The following RSRP1 variants were observed in gnomAD, a reference collection of about 807,000 sequenced individuals.
RSRP1 encodes the protein arginine and serine rich protein 1.
In RSRP1, 37 loss-of-function variants were observed where a neutral mutation model predicts 33.0. The ratio of observed to expected loss-of-function variants is 1.12; its 90% confidence interval spans 0.86 to 1.48. The LOEUF (loss-of-function observed/expected upper bound fraction) is 1.48. Among genes scored for constraint, RSRP1 ranks in the 40% most tolerant of loss-of-function variants. The pLI is 0.00. For synonymous variants in RSRP1, 167 were observed against 158.7 expected, an observed-to-expected ratio of 1.05 and a Z score of -0.40; for missense variants, 402 against 385.3, an observed-to-expected ratio of 1.04 and a Z score of -0.36.
intron 1 of RSRP1, among the ~76,000 whole-genome samples, chr1:25,295,849 AATT>A (rs1571645727): frequency 3.0e-5 from 1 of 33,728 alleles, no homozygotes; most frequent in Non-Finnish European, 1.1e-4. Flanking sequence ...GAATATGGGA[AATT>A]TTTTTTTTTT....
chr1:25,246,449 T>C lies in RSRP1; in HGVS notation c.515A>G (p.Glu172Gly), dbSNP rs1456566309. Residue 172 changes from glutamate (E) to glycine (G), a missense_variant, in exon 2 of 5, where the codon GAA (glutamate) becomes GGA (glycine). Glu to Gly is a moderately conservative substitution (Grantham distance 98). Coordinates refer to ENST00000243189, the MANE Select transcript of RSRP1 (RefSeq NM_020317.5). ...AAGGTAAATGACCCACCCACCTTTT[T>C]CACTTAAGCGAAAGGGGGTTCTGCT... is the stretch of plus-strand genomic sequence containing the variant. ...SRSRTPFRLS[E>G]KDRMELLEIA... The C allele has an allele frequency of 1.9e-6, 3 of 1,612,342 alleles. No homozygotes were observed. The highest frequency in any genetic ancestry group is 2.7e-5 in the African/African-American group (2 of 74,910).
rs1457565642 is a variant in RSRP1 at position 25,296,333 on chromosome 1, G to A, written c.-67+41645C>T. Among the ~76,000 whole-genome samples, 5 of 120,186 alleles carry A rather than the reference G, an allele frequency of 4.2e-5. No individual in the cohort carries two copies. The East Asian group carries it at 8.2e-4, about 20-fold the overall frequency. The allele number at this position is 120,186 out of a possible 152,430, so 78.8% of individuals were successfully genotyped here. ...GTGATCTCGGCTCACTGCAACCTCC[G>A]CCTCCTGGATTCAAGCAATTCTTGT... is the stretch of plus-strand genomic sequence containing the variant. On this transcript the variant is annotated intron_variant, in intron 1 of 1. Transcript: ENST00000561867.
intron 1 of RSRP1, among the ~76,000 whole-genome samples, chr1:25,312,957 T>TAAAAAAAAAAAAAAAAAAAAAAA (rs1491188755): frequency 4.1e-5 from 1 of 24,412 alleles, no homozygotes; most frequent in East Asian, 1.4e-3. Flanking sequence ...AAAAAAAAAC[T>TAAAAAAAAAAAAAAAAAAAAAAA]TTAGTGCTAT....
Position 25,284,626 on chromosome 1 carries a change from A to T in RSRP1, c.-66-37597T>A. ...CATTGGCTTGGGCTTCCTCACCTCGAGTTTCCGGAGACACAGCTGGAGCAG... is the reference window on the plus strand; with the variant it reads ...CATTGGCTTGGGCTTCCTCACCTCGTGTTTCCGGAGACACAGCTGGAGCAG... On this transcript the variant is annotated intron_variant, in intron 1 of 1. Transcript: ENST00000561867. The T allele has an allele frequency of 3.6e-6, 5 of 1,388,848 alleles. 2 individuals are homozygous for T. The highest frequency in any genetic ancestry group is 4.1e-6 in the Non-Finnish European group (4 of 985,524). The allele number at this position is 1,388,848 out of a possible 1,614,324, so 86.0% of individuals were successfully genotyped here.
chr1:25,261,705 A>ATTTT (rs376795548), intron 1 of RSRP1, among the ~76,000 whole-genome samples: 3 of 93,682 alleles, frequency 3.2e-5, no homozygotes, highest in African/African-American at 9.0e-5. Context: ...CGCCCAGCAG[A>ATTTT]TTTTTTTTTT....
chr1:25,310,218 G>A lies in RSRP1; in HGVS notation c.-67+27760C>T, dbSNP rs1475280030. Among the ~76,000 whole-genome samples, 42 of 132,882 alleles carry A rather than the reference G, an allele frequency of 3.2e-4. 3 individuals are homozygous for A. Among genetic ancestry groups the A allele is most frequent in the African/African-American group, 6.3e-4 (25 of 39,558 alleles). The allele number at this position is 132,882 out of a possible 152,430, so 87.2% of individuals were successfully genotyped here. ...ATGTGTCCCCCAAATTTCATGTGCT[G>A]GAAACTTAATCCTTCAATTCATATG... On this transcript the variant is annotated intron_variant, in intron 1 of 1. Transcript: ENST00000561867.
Position 25,321,925 on chromosome 1 carries a change from A to G in RSRP1, c.-67+16053T>C, listed in dbSNP as rs776651252. 7.5e-6 allele frequency: 10 copies of G among 1,338,288 alleles called. 1 individual carries two copies. The highest frequency in any genetic ancestry group is 8.5e-6 in the Non-Finnish European group (8 of 942,644). The allele number at this position is 1,338,288 out of a possible 1,614,324, so 82.9% of individuals were successfully genotyped here. The stretch of plus-strand genomic sequence containing the variant: ...AATCTTAAAATATGGAAAGCACCTC[A>G]TGAGGCTAAATATTTTGATGACCAA... On this transcript the variant is annotated intron_variant, in intron 1 of 1. Coordinates refer to the RSRP1 transcript ENST00000561867.
upstream of RSRP1, among the ~76,000 whole-genome samples, chr1:25,249,024 C>A (rs180971886): frequency 3.7e-4 from 56 of 152,254 alleles, no homozygotes; most frequent in East Asian, 9.8e-3. Context: ...TGGCGGGCGC[C>A]TGTAATCCCA....
At chr1:25,248,350 T>A (rs61777582), upstream of RSRP1, 1 of 8,584 alleles carries the variant, frequency 1.2e-4, no homozygotes, top group Non-Finnish European at 1.7e-3. Flanking sequence ...GTTAATTGCC[T>A]TTTTTTTTTT....
intron 1 of RSRP1, among the ~76,000 whole-genome samples, chr1:25,306,188 A>G (rs568485931): frequency 7.6e-6 from 1 of 131,846 alleles, no homozygotes; most frequent in East Asian, 2.0e-4. Context: ...CAGTGGGGTG[A>G]GGGCTGCTAC....
upstream of RSRP1, among the ~76,000 whole-genome samples, chr1:25,252,105 T>C (rs534390842): frequency 1.3e-5 from 2 of 151,866 alleles, no homozygotes; most frequent in East Asian, 3.9e-4. Context: ...ACTCTCTCAC[T>C]CAGGCTGGAG....
At chr1:25,312,951 A>AAAAAC (rs1644241946) in intron 1 of RSRP1, among the ~76,000 whole-genome samples, 3 of 112,144 alleles carry the variant, frequency 2.7e-5, no homozygotes, top group Non-Finnish European at 4.2e-5. Flanking sequence ...AAAAAAAAAA[A>AAAAAC]AAAACTTTAG....
chr1:25,275,044 CTT>C (rs1640833261), intron 1 of RSRP1, among the ~76,000 whole-genome samples: 1 of 131,796 alleles, frequency 7.6e-6, no homozygotes, highest in African/African-American at 2.6e-5. Flanking sequence ...ATCCCAAACA[CTT>C]TGGGAGACCA....
chr1:25,294,492 A>G lies in RSRP1; in HGVS notation c.-67+43486T>C. ...GGAGCCAGAATGGTGGCTCGGTGAC[A>G]AGTGTATGTGCTGCACTCCACACCA... On this transcript the variant is annotated intron_variant, in intron 1 of 1. Coordinates refer to the RSRP1 transcript ENST00000561867. 5.9e-6 allele frequency: 4 copies of G among 683,698 alleles called. 1 individual carries two copies. The Admixed American group carries it at 8.1e-5, about 14-fold the overall frequency. 42.4% of individuals were successfully genotyped at this position (683,698 alleles called of 1,614,324 possible).
intron 1 of RSRP1, among the ~76,000 whole-genome samples, chr1:25,261,334 C>T (rs1473262069): frequency 2.0e-5 from 3 of 152,154 alleles, no homozygotes; most frequent in Non-Finnish European, 4.4e-5. Context: ...CATAAATGTC[C>T]TCAGTGTTCC....
intron 1 of RSRP1, among the ~76,000 whole-genome samples, chr1:25,332,515 TA>T (rs1168572792): frequency 3.1e-5 from 4 of 129,360 alleles, no homozygotes; most frequent in Non-Finnish European, 3.6e-5. Context: ...CATTAGAAAT[TA>T]AAAAAAAATG....
chr1:25,290,720 T>G (rs770829958), intron 1 of RSRP1: 2 of 1,377,228 alleles, frequency 1.5e-6, no homozygotes, highest in South Asian at 1.2e-5. Context: ...CTTGGCGCAG[T>G]TGGTGGTGAT....
At chr1:25,245,072 GT>G in intron 3 of RSRP1, 77 bp downstream of exon 3, 1 of 1,612,408 alleles carries the variant, frequency 6.2e-7, no homozygotes, top group Non-Finnish European at 8.5e-7. Context: ...AAAAAGTATA[GT>G]CTAAGATATA....
At chr1:25,259,046 A>G (rs1448173491) in intron 1 of RSRP1, among the ~76,000 whole-genome samples, 1 of 152,142 alleles carries the variant, frequency 6.6e-6, no homozygotes, top group Non-Finnish European at 1.5e-5. Context: ...GACTGCATAT[A>G]TGATGGTGGT....
Sources: gnomAD v4.1 joint callset for allele counts (sites outside exome capture counted in the v4.1 genomes callset) on GRCh38, gnomAD v4.1.1 for gene constraint, MANE v1.5 for transcripts, NCBI Gene and HGNC (gene_info 2026-07-23, HGNC 2026-07-21) for gene names.